Variants in ROBO1 observed in about 807,000 individuals in gnomAD.
ROBO1 encodes roundabout homolog 1.
In ROBO1, 149 loss-of-function variants were observed where a neutral mutation model predicts 195.9. That is an observed-to-expected ratio of 0.76 (90% confidence interval 0.67 to 0.87). The LOEUF (loss-of-function observed/expected upper bound fraction) is 0.87, where lower values mean the gene tolerates loss of function less well. ROBO1 is among the 40% of genes least tolerant of loss of function. ROBO1 has a pLI of 0.00. For missense variants in ROBO1, 1,933 were observed against 2,068.3 expected, an observed-to-expected ratio of 0.93 and a Z score of 1.27; for synonymous variants, 816 against 733.2, an observed-to-expected ratio of 1.11 and a Z score of -1.82.
intron 3 of ROBO1, among the ~76,000 whole-genome samples, chr3:78,989,914 A>G (rs1260389244): frequency 6.6e-6 from 1 of 152,110 alleles, no homozygotes; most frequent in Non-Finnish European, 1.5e-5. Flanking sequence ...TGTATATAAT[A>G]AATTATTGAG....
At chr3:79,714,359 G>T (rs558028072) in intron 1 of ROBO1, among the ~76,000 whole-genome samples, 1 of 152,286 alleles carries the variant, frequency 6.6e-6, no homozygotes, top group East Asian at 1.9e-4. Flanking sequence ...ACAGATGCTG[G>T]AGAGGATGTG....
chr3:79,641,463 G>T (rs1945658979), intron 1 of ROBO1, among the ~76,000 whole-genome samples: 1 of 151,572 alleles, frequency 6.6e-6, no homozygotes, highest in African/African-American at 2.4e-5. Context: ...CGAGTTAGTG[G>T]GTGCAGCGCA....
intron 4 of ROBO1, among the ~76,000 whole-genome samples, chr3:78,875,330 A>G: frequency 6.6e-6 from 1 of 152,052 alleles, no homozygotes; most frequent in East Asian, 1.9e-4. Context: ...TGTGATAAAA[A>G]TCAAATGACA....
At chr3:79,644,823 T>C (rs1945770498) in intron 1 of ROBO1, among the ~76,000 whole-genome samples, 1 of 152,038 alleles carries the variant, frequency 6.6e-6, no homozygotes, top group Non-Finnish European at 1.5e-5. Flanking sequence ...ACAAAACAGG[T>C]CTCAGCAAAT....
intron 2 of ROBO1, among the ~76,000 whole-genome samples, chr3:79,444,233 G>A (rs1367883867): frequency 6.6e-6 from 1 of 151,794 alleles, no homozygotes; most frequent in Non-Finnish European, 1.5e-5. Flanking sequence ...GACATTACAG[G>A]CATTAAATTA....
At chr3:79,619,985 G>T (rs1469576813) in intron 1 of ROBO1, among the ~76,000 whole-genome samples, 3 of 152,108 alleles carry the variant, frequency 2.0e-5, no homozygotes, top group Admixed American at 2.0e-4. Flanking sequence ...TACCTCCACT[G>T]TGAGAGAAAC....
intron 2 of ROBO1, among the ~76,000 whole-genome samples, chr3:79,407,873 C>T (rs1289905789): frequency 1.3e-5 from 2 of 152,066 alleles, no homozygotes; most frequent in Non-Finnish European, 2.9e-5. Flanking sequence ...AGTTACTGTA[C>T]TTCTGTAAAC....
chr3:79,332,627 G>A (rs1335111492), intron 2 of ROBO1, among the ~76,000 whole-genome samples: 1 of 152,112 alleles, frequency 6.6e-6, no homozygotes, highest in Non-Finnish European at 1.5e-5. Context: ...GAATAAACTA[G>A]GGGTGCAATG....
intron 2 of ROBO1, among the ~76,000 whole-genome samples, chr3:79,235,325 T>C (rs1453607835): frequency 1.3e-5 from 2 of 152,162 alleles, no homozygotes; most frequent in Non-Finnish European, 2.9e-5. Flanking sequence ...GGAGTGATAT[T>C]GGAGAACAGG....
intron 2 of ROBO1, among the ~76,000 whole-genome samples, chr3:79,424,951 G>A (rs573005006): frequency 6.6e-6 from 1 of 152,092 alleles, no homozygotes; most frequent in Non-Finnish European, 1.5e-5. Context: ...AGTAAAAAAC[G>A]CAGAAAACCT....
At chr3:79,391,075 A>ATTC (rs1402882760) in intron 2 of ROBO1, among the ~76,000 whole-genome samples, 1 of 149,896 alleles carries the variant, frequency 6.7e-6, no homozygotes, top group Non-Finnish European at 1.5e-5. Flanking sequence ...CTATGAGAAG[A>ATTC]TTCCTTGAGT....
intron 2 of ROBO1, among the ~76,000 whole-genome samples, chr3:79,433,835 T>C (rs1001549994): frequency 1.3e-5 from 2 of 152,166 alleles, no homozygotes; most frequent in Non-Finnish European, 2.9e-5. Context: ...AACAGCATGG[T>C]ACTGGTACCA....
intron 8 of ROBO1, among the ~76,000 whole-genome samples, chr3:78,712,727 C>T (rs944531406): frequency 5.9e-5 from 9 of 152,072 alleles, no homozygotes; most frequent in South Asian, 2.1e-4. Context: ...CTTTGAAATC[C>T]AGGCTTAGAG....
intron 3 of ROBO1, among the ~76,000 whole-genome samples, chr3:78,989,272 G>A (rs975783821): frequency 2.6e-5 from 4 of 152,106 alleles, no homozygotes; most frequent in Admixed American, 2.0e-4. Flanking sequence ...TGTAGCCCAT[G>A]AATATAAAGT....
At chr3:79,242,133 G>T (rs2082530971) in intron 2 of ROBO1, among the ~76,000 whole-genome samples, 1 of 151,980 alleles carries the variant, frequency 6.6e-6, no homozygotes, top group South Asian at 2.1e-4. Context: ...ATAAGGGTAG[G>T]AATTGAAGCA....
rs145020101 is a variant in ROBO1 at position 78,711,816 on chromosome 3, G to C, written c.1045+2581C>G. 3.0e-4 allele frequency among the ~76,000 whole-genome samples: 46 copies of C among 151,126 alleles called. 1 individual carries two copies. In the East Asian group the frequency reaches 9.0e-3, roughly 29 times the overall value. ...CTGTGCTGTTTCTACCATTCAAGCA[G>C]AAGTCTGAAATGCATATTCACATTT... On this transcript the variant is annotated intron_variant, in intron 8 of 30. Coordinates refer to ENST00000464233, the MANE Select transcript of ROBO1 (RefSeq NM_002941.4).
chr3:79,061,029 G>C (rs564899374), intron 3 of ROBO1, among the ~76,000 whole-genome samples: 2 of 152,120 alleles, frequency 1.3e-5, no homozygotes, highest in East Asian at 1.9e-4. Context: ...ATAAATAAAG[G>C]GTATTTGGTT....
intron 1 of ROBO1, among the ~76,000 whole-genome samples, chr3:79,634,677 C>T (rs934398699): frequency 6.6e-5 from 10 of 152,000 alleles, no homozygotes; most frequent in East Asian, 5.8e-4. Context: ...TGATTTTTAT[C>T]TAAGCCATTA....
intron 2 of ROBO1, among the ~76,000 whole-genome samples, chr3:79,201,972 G>A (rs1287611883): frequency 6.6e-6 from 1 of 151,186 alleles, no homozygotes; most frequent in Non-Finnish European, 1.5e-5. Context: ...CTCCTTGCTA[G>A]TAGTATTCCA....
Sources: allele counts gnomAD v4.1 joint callset (sites outside exome capture counted in the v4.1 genomes callset), GRCh38; gene constraint gnomAD v4.1.1; transcripts MANE v1.5; gene names NCBI Gene and HGNC (gene_info 2026-07-23, HGNC 2026-07-21).